Variants in NCAM2 observed in about 807,000 individuals in gnomAD.
NCAM2 encodes N-CAM-2.
A neutral mutation model predicts 98.1 loss-of-function variants in NCAM2; 30 were observed. The observed-to-expected ratio is 0.31, with a 90% CI of 0.23 to 0.41. NCAM2 has a LOEUF of 0.41. Among genes scored for constraint, NCAM2 ranks in the 10% least tolerant of loss-of-function variants. The pLI, the probability that NCAM2 is intolerant of heterozygous loss-of-function variation, is 1.00. For missense variants in NCAM2, 867 were observed against 1,005.8 expected, an observed-to-expected ratio of 0.86 and a Z score of 1.87; for synonymous variants, 368 against 342.4, an observed-to-expected ratio of 1.07 and a Z score of -0.83.
chr21:21,147,033 C>T (rs1048807366), intron 1 of NCAM2: 1 of 908,950 alleles, frequency 1.1e-6, no homozygotes. Flanking sequence ...CGCGCCCTGT[C>T]CCACTCCGGA....
In NCAM2 at chr21:21,525,390, C is replaced by A. The variant is rs536197039; in HGVS notation, c.2283-9147C>A. On this transcript the variant is annotated intron_variant, in intron 16 of 17. Coordinates refer to ENST00000400546, the MANE Select transcript of NCAM2 (RefSeq NM_004540.5). ...GGATAATAAAGTAATACCATGAGCA[C>A]CTTTATGCCAATAATTTGATAACCA... 9.8e-4 allele frequency among the ~76,000 whole-genome samples: 149 copies of A among 152,144 alleles called. No homozygotes were observed. The South Asian group carries it at 0.012, about 12-fold the overall frequency.
intron 1 of NCAM2, among the ~76,000 whole-genome samples, chr21:21,275,115 TG>T (rs2072675138): frequency 6.6e-6 from 1 of 152,146 alleles, no homozygotes. Flanking sequence ...ATGTTACCTA[TG>T]TTTTATTTTG....
chr21:21,173,714 A>G (rs2146860886), intron 1 of NCAM2, among the ~76,000 whole-genome samples: 2 of 152,306 alleles, frequency 1.3e-5, no homozygotes, highest in African/African-American at 4.8e-5. Flanking sequence ...ATCATCCTAC[A>G]TCTTTGGAAT....
intron 5 of NCAM2, among the ~76,000 whole-genome samples, chr21:21,294,815 T>C (rs561802695): frequency 7.7e-5 from 11 of 143,040 alleles, no homozygotes; most frequent in African/African-American, 3.3e-4. Flanking sequence ...TATCGAGGTT[T>C]TTTTTTTTGA....
chr21:21,059,292 C>T (rs2065275336), intron 1 of NCAM2, among the ~76,000 whole-genome samples: 1 of 151,990 alleles, frequency 6.6e-6, no homozygotes, highest in South Asian at 2.1e-4. Flanking sequence ...ATTTTAAAAC[C>T]ACATTTTTAA....
chr21:21,454,517 T>C (rs1010597146), intron 12 of NCAM2, among the ~76,000 whole-genome samples: 2 of 152,070 alleles, frequency 1.3e-5, no homozygotes, highest in African/African-American at 4.8e-5. Context: ...CATATATGAC[T>C]GTGTTCAAAA....
intron 1 of NCAM2, among the ~76,000 whole-genome samples, chr21:21,028,213 A>C (rs1710341984): frequency 1.3e-5 from 2 of 152,190 alleles, no homozygotes; most frequent in Non-Finnish European, 1.5e-5. Flanking sequence ...AAGATCTCTT[A>C]TGCTCATTGG....
chr21:21,323,409 A>T (rs1008120278), intron 5 of NCAM2, among the ~76,000 whole-genome samples: 1 of 152,178 alleles, frequency 6.6e-6, no homozygotes, highest in South Asian at 2.1e-4. Flanking sequence ...TGTGGCATCA[A>T]CGCTGACCTG....
intron 16 of NCAM2, among the ~76,000 whole-genome samples, chr21:21,514,117 A>C (rs554276518): frequency 1.9e-4 from 29 of 151,060 alleles, no homozygotes; most frequent in Non-Finnish European, 3.2e-4. Flanking sequence ...ATAAGTATAC[A>C]TAAACCTATA....
intron 1 of NCAM2, among the ~76,000 whole-genome samples, chr21:21,137,409 A>G (rs2146640240): frequency 6.6e-6 from 1 of 152,346 alleles, no homozygotes; most frequent in East Asian, 1.9e-4. Context: ...GTTCCTATAA[A>G]GTATTCTAAA....
intron 1 of NCAM2, among the ~76,000 whole-genome samples, chr21:21,014,293 G>A (rs1314583791): frequency 1.3e-5 from 2 of 152,030 alleles, no homozygotes; most frequent in Non-Finnish European, 2.9e-5. Flanking sequence ...ACGTGGTGGT[G>A]CACACCTGTA....
At chr21:21,207,552 A>AG (rs1461538840) in intron 1 of NCAM2, among the ~76,000 whole-genome samples, 3 of 102 alleles carry the variant, frequency 0.029, no homozygotes, top group Non-Finnish European at 0.058. Context: ...TTTCCCACAG[A>AG]GAATTAATAA....
intron 1 of NCAM2, among the ~76,000 whole-genome samples, chr21:21,222,063 G>T (rs1383796897): frequency 6.6e-6 from 1 of 152,046 alleles, no homozygotes; most frequent in East Asian, 1.9e-4. Context: ...CATGTAAGCA[G>T]ACCAACAAAG....
intron 11 of NCAM2, among the ~76,000 whole-genome samples, chr21:21,423,416 A>G (rs1207288473): frequency 6.6e-6 from 1 of 152,212 alleles, no homozygotes; most frequent in East Asian, 1.9e-4. Context: ...ATTATAGTTC[A>G]TATTGGTCAC....
At chr21:21,089,487 A>T (rs1869729608) in intron 1 of NCAM2, among the ~76,000 whole-genome samples, 1 of 152,154 alleles carries the variant, frequency 6.6e-6, no homozygotes, top group African/African-American at 2.4e-5. Flanking sequence ...TAGTTCCCTG[A>T]GCTCTGTCAC....
rs1342091625 is a variant in NCAM2, at chr21:21,477,353, G to A, written c.1959G>A (p.Leu653=). Residue 653 remains leucine (L), a synonymous_variant, in exon 15 of 18, where the codon TTG becomes TTA. Transcript: ENST00000400546. ...KVQGNKDHII[L]EHLQWTMGYE... The stretch of plus-strand genomic sequence containing the variant: ...AAGGAAATAAAGACCACATCATTTT[G>A]GAGCATCTCCAGTGGACCATGGGGT... 7 of 1,610,040 alleles carry A rather than the reference G, an allele frequency of 4.3e-6. No individual in the cohort carries two copies. Among genetic ancestry groups the A allele is most frequent in the Non-Finnish European group, 5.1e-6 (6 of 1,177,354 alleles).
At position 21,344,337 on chromosome 21, in the gene NCAM2, G is replaced by A. The variant is rs373484228; in HGVS notation, c.1044+5803G>A. 7.2e-5 allele frequency among the ~76,000 whole-genome samples: 11 copies of A among 152,202 alleles called. No individual in the cohort carries two copies. The East Asian group carries it at 7.8e-4, about 11-fold the overall frequency. On this transcript the variant is annotated intron_variant, in intron 8 of 17. Transcript: ENST00000400546. ...TGGGGGTAAAGCATGAAGTGGGGTC[G>A]TAGGGTCTGCCAATCCAGGACCTTA...
chr21:21,020,127 C>T (rs920036671), intron 1 of NCAM2, among the ~76,000 whole-genome samples: 3 of 152,040 alleles, frequency 2.0e-5, no homozygotes, highest in African/African-American at 7.2e-5. Context: ...ACCTCTGCCT[C>T]CGGGTTCAAG....
chr21:21,176,179 A>G (rs960740019), intron 1 of NCAM2, among the ~76,000 whole-genome samples: 1 of 152,210 alleles, frequency 6.6e-6, no homozygotes, highest in African/African-American at 2.4e-5. Context: ...TATTGGAAGC[A>G]CTAGGCTATT....
Sources: allele counts gnomAD v4.1 joint callset (sites outside exome capture counted in the v4.1 genomes callset), GRCh38; gene constraint gnomAD v4.1.1; transcripts MANE v1.5; gene names NCBI Gene and HGNC (gene_info 2026-07-23, HGNC 2026-07-21).